Variants in FLVCR2 observed in about 807,000 individuals in gnomAD.
FLVCR2 encodes the protein FLVCR choline and putative heme transporter 2, also known as choline/ethanolamine transporter FLVCR2.
Under a neutral mutation model 48.9 loss-of-function variants are expected in FLVCR2, and 38 were observed. That is an observed-to-expected ratio of 0.78 (90% CI 0.60 to 1.02). The LOEUF (loss-of-function observed/expected upper bound fraction) is 1.02. FLVCR2 is among the 50% of genes least tolerant of loss of function. The pLI is 0.00. For missense variants in FLVCR2, 664 were observed against 663.3 expected, an observed-to-expected ratio of 1.00 and a Z score of -0.01; for synonymous variants, 255 against 257.0, an observed-to-expected ratio of 0.99 and a Z score of 0.07.
chr14:75,639,565 C>A, intron 6 of FLVCR2, 103 bp downstream of exon 6: 1 of 821,318 alleles, frequency 1.2e-6, no homozygotes, highest in Non-Finnish European at 2.1e-6. Flanking sequence ...TGCCTTCTAA[C>A]TGACCTCAGG....
intron 8 of FLVCR2, among the ~76,000 whole-genome samples, 178 bp from the exon 9 acceptor site, chr14:75,641,665 C>T (rs543003668): frequency 3.9e-5 from 6 of 152,280 alleles, no homozygotes; most frequent in East Asian, 1.9e-4. Flanking sequence ...CTGTCAGGGA[C>T]GGCAGTGATC....
chr14:75,648,123 A>G lies in FLVCR2; in HGVS notation c.*1651A>G, dbSNP rs1890461314. 1 of 152,652 alleles carries G rather than the reference A, an allele frequency of 6.6e-6. No homozygotes were observed. Among genetic ancestry groups the G allele is most frequent in the Non-Finnish European group, 1.5e-5 (1 of 68,036 alleles). 9.5% of individuals were successfully genotyped at this position (152,652 alleles called of 1,614,324 possible). A position where few individuals can be genotyped will look rare whatever the true frequency, so the allele number is the denominator to read the frequency against. ...TTTAAAAACATAATTTGTGTTTTCT[A>G]TTTGTAAGATCTGACATTTCGAGGC... On this transcript the variant is annotated 3_prime_UTR_variant, in exon 10 of 10. Coordinates refer to ENST00000238667, the MANE Select transcript of FLVCR2 (RefSeq NM_017791.3).
chr14:75,617,901 A>T (rs892836538), intron 1 of FLVCR2, among the ~76,000 whole-genome samples: 6 of 152,206 alleles, frequency 3.9e-5, no homozygotes, highest in African/African-American at 1.2e-4. Flanking sequence ...GACCTGAAGG[A>T]TATCTGCATT....
At position 75,604,087 on chromosome 14, in the gene FLVCR2, G is replaced by A. The variant is rs1281887848; in HGVS notation, c.670-17992G>A. 5.3e-5 allele frequency: 8 copies of A among 152,362 alleles called. No individual in the cohort carries two copies. In the East Asian group the frequency reaches 1.5e-3, roughly 29 times the overall value. The allele number at this position is 152,362 out of a possible 1,614,324, so 9.4% of individuals were successfully genotyped here. On this transcript the variant is annotated intron_variant, in intron 1 of 9. Coordinates refer to ENST00000238667, the MANE Select transcript of FLVCR2 (RefSeq NM_017791.3). ...CTGGGTTGTCTTCTTGATGTGACTT[G>A]TTCTTATTCCTTATGTGGAAAAAGC...
At chr14:75,597,671 G>C (rs775239550) in intron 1 of FLVCR2, among the ~76,000 whole-genome samples, 1 of 152,052 alleles carries the variant, frequency 6.6e-6, no homozygotes, top group African/African-American at 2.4e-5. Flanking sequence ...CCAAGTTCAA[G>C]TCATTCTCAT....
intron 1 of FLVCR2, 38 bp from the exon 2 acceptor site, chr14:75,622,041 A>G (rs748832003): frequency 4.3e-6 from 7 of 1,612,450 alleles, no homozygotes; most frequent in Non-Finnish European, 5.1e-6. Flanking sequence ...CCTCTTGGCC[A>G]TTGGTAACTG....
intron 1 of FLVCR2, among the ~76,000 whole-genome samples, chr14:75,620,516 T>C (rs7153399): frequency 0.63 from 95,370 of 152,132 alleles, 31,689 homozygotes; most frequent in Non-Finnish European, 0.73. Context: ...TTTCAAACTG[T>C]AATATTCTAT....
chr14:75,595,727 T>C, intron 1 of FLVCR2: 1 of 619,830 alleles, frequency 1.6e-6, no homozygotes. Flanking sequence ...TTTTTGTGTT[T>C]TCACATGAAA....
intron 1 of FLVCR2, among the ~76,000 whole-genome samples, chr14:75,586,284 G>A (rs527297072): frequency 6.6e-6 from 1 of 152,310 alleles, no homozygotes; most frequent in Non-Finnish European, 1.5e-5. Flanking sequence ...ATTCTCAAGG[G>A]TGGGGAGAAT....
At chr14:75,604,304 A>G (rs960275633) in intron 1 of FLVCR2, 1 of 152,234 alleles carries the variant, frequency 6.6e-6, no homozygotes, top group Non-Finnish European at 1.5e-5. Context: ...GACAAGTCTC[A>G]TAACTTTCAT....
chr14:75,610,122 C>T (rs1194901413), intron 1 of FLVCR2, among the ~76,000 whole-genome samples: 1 of 152,160 alleles, frequency 6.6e-6, no homozygotes, highest in African/African-American at 2.4e-5. Context: ...GAAAGACACC[C>T]ACTCATTTTT....
chr14:75,629,951 T>C (rs553077269), intron 3 of FLVCR2, among the ~76,000 whole-genome samples: 1 of 152,328 alleles, frequency 6.6e-6, no homozygotes, highest in South Asian at 2.1e-4. Flanking sequence ...GGGGGCTTCA[T>C]GCCCCCTCTA....
intron 1 of FLVCR2, among the ~76,000 whole-genome samples, chr14:75,595,392 G>T (rs114547406): frequency 5.3e-4 from 81 of 152,356 alleles, no homozygotes; most frequent in African/African-American, 1.9e-3. Context: ...TCTAGAAAGT[G>T]ACTCAGGCCT....
intron 1 of FLVCR2, among the ~76,000 whole-genome samples, chr14:75,582,280 A>G (rs183206655): frequency 6.6e-6 from 1 of 152,210 alleles, no homozygotes; most frequent in African/African-American, 2.4e-5. Flanking sequence ...TTCAGCCCAT[A>G]TAACAGCATG....
chr14:75,627,468 T>TA (rs1303259392), intron 3 of FLVCR2, among the ~76,000 whole-genome samples: 2 of 152,284 alleles, frequency 1.3e-5, no homozygotes, highest in East Asian at 3.9e-4. Flanking sequence ...CCAATCCCTT[T>TA]CTCCCTACTA....
chr14:75,600,888 C>A (rs1339189424), intron 1 of FLVCR2, among the ~76,000 whole-genome samples: 24 of 146,056 alleles, frequency 1.6e-4, no homozygotes, highest in Middle Eastern at 3.6e-3. Flanking sequence ...AAAAAAAAAA[C>A]AAACAAACAA....
intron 1 of FLVCR2, among the ~76,000 whole-genome samples, chr14:75,615,862 C>CAAAAAAA (rs10629811): frequency 7.6e-6 from 1 of 131,266 alleles, no homozygotes; most frequent in African/African-American, 2.9e-5. Context: ...ACTAAAAATA[C>CAAAAAAA]AAAAAAAAAA....
Position 75,605,774 on chromosome 14 carries a change from C to T in FLVCR2, c.670-16305C>T, listed in dbSNP as rs1889276310. ...AGTATTTTTCAGTTCCAGGAGGCTG[C>T]TTTTGATTGCACAGCCCTGCCAGCT... On this transcript the variant is annotated intron_variant, in intron 1 of 9. Coordinates refer to ENST00000238667, the MANE Select transcript of FLVCR2 (RefSeq NM_017791.3). 4.2e-5 allele frequency: 31 copies of T among 744,402 alleles called. No individual in the cohort carries two copies. In the South Asian group the frequency reaches 4.9e-4, roughly 12 times the overall value. The allele number at this position is 744,402 out of a possible 1,614,324, so 46.1% of individuals were successfully genotyped here.
intron 9 of FLVCR2, among the ~76,000 whole-genome samples, chr14:75,645,061 T>G (rs1890390398): frequency 6.7e-6 from 1 of 148,508 alleles, no homozygotes. Context: ...TGTGTGTGTG[T>G]GTGTGTGTGT....
Sources: allele counts gnomAD v4.1 joint callset (sites outside exome capture counted in the v4.1 genomes callset), GRCh38; gene constraint gnomAD v4.1.1; transcripts MANE v1.5; gene names NCBI Gene and HGNC (gene_info 2026-07-23, HGNC 2026-07-21).